ALG13: variants seen among roughly 807,000 people sequenced by gnomAD.
ALG13 encodes ALG13 UDP-N-acetylglucosaminyltransferase subunit.
Under a neutral mutation model 87.8 loss-of-function variants are expected in ALG13, and 11 were observed. The ratio of observed to expected loss-of-function variants is 0.13; its 90% CI spans 0.08 to 0.21. ALG13 has a LOEUF of 0.21. ALG13 is among the 10% of genes least tolerant of loss of function. The pLI, the probability that ALG13 is intolerant of heterozygous loss-of-function variation, is 1.00. For missense variants in ALG13, 756 were observed against 866.1 expected (o/e 0.87, Z 1.60); for synonymous variants, 320 against 306.3 (o/e 1.04, Z -0.47).
At chrX:111,698,398 A>G (rs1018894533) in intron 3 of ALG13, among the ~76,000 whole-genome samples, 2 of 111,335 alleles carry the variant, frequency 1.8e-5, no homozygotes, top group Non-Finnish European at 3.8e-5. Context: ...TCTTATTTTG[A>G]AGTACACAAT....
chrX:111,738,525 A>G (rs1943446114), intron 23 of ALG13, among the ~76,000 whole-genome samples: 1 of 111,891 alleles, frequency 8.9e-6, no homozygotes, highest in Admixed American at 9.5e-5. Context: ...AAGAGAAATA[A>G]GAGTGCTTTA....
intron 3 of ALG13, among the ~76,000 whole-genome samples, chrX:111,693,988 GATTA>G (rs1487414759): frequency 9.1e-6 from 1 of 110,031 alleles, no homozygotes; most frequent in Non-Finnish European, 1.9e-5. Flanking sequence ...AAACCCTTTT[GATTA>G]ATTACATTTA....
chrX:111,726,963 C>A lies in ALG13; in HGVS notation c.1884C>A (p.His628Gln), dbSNP rs748449833. Reference protein sequence around the residue: ...SMHYGHDPPMHYSQTAGNVMS... With the variant: ...SMHYGHDPPMQYSQTAGNVMS... ...ATTATGGGCACGATCCTCCAATGCA[C>A]TACTCACAGACAGCTGGCAATGTTA... Residue 628 changes from histidine (H) to glutamine (Q), a missense_variant, in exon 16 of 27, where the codon CAC becomes CAA. Transcript: ENST00000394780. 1 of 1,209,779 alleles carries A rather than the reference C, an allele frequency of 8.3e-7. No individual in the cohort carries two copies. Among genetic ancestry groups the A allele is most frequent in the South Asian group, 1.8e-5 (1 of 56,781 alleles).
intron 2 of ALG13, among the ~76,000 whole-genome samples, chrX:111,683,961 G>C (rs1401754355): frequency 9.0e-6 from 1 of 111,359 alleles, no homozygotes; most frequent in African/African-American, 3.3e-5. Flanking sequence ...GTCAAACCTG[G>C]ATCTTATTTG....
intron 1 of ALG13, 120 bp from the exon 2 acceptor site, chrX:111,682,012 G>T: frequency 1.1e-6 from 1 of 892,021 alleles, no homozygotes; most frequent in Non-Finnish European, 1.5e-6. Context: ...ATCGGCCACA[G>T]ATAGGCTTTT....
chrX:111,690,236 A>G (rs778874509), intron 3 of ALG13: 529 of 752,103 alleles, frequency 7.0e-4, no homozygotes, highest in Non-Finnish European at 8.0e-4. Flanking sequence ...CAGGTTCTTG[A>G]TATTAATGAG....
At chrX:111,756,448 T>G (rs935513080) in intron 25 of ALG13, among the ~76,000 whole-genome samples, 1 of 111,845 alleles carries the variant, frequency 8.9e-6, no homozygotes, top group Non-Finnish European at 1.9e-5. Flanking sequence ...AAAGCACTCA[T>G]GTGTTCATAG....
chrX:111,682,036 C>T, intron 1 of ALG13, 96 bp from the exon 2 acceptor site: 45 of 929,370 alleles, frequency 4.8e-5, no homozygotes, highest in Non-Finnish European at 6.3e-5. Flanking sequence ...CGGCCGTGCT[C>T]CGATGTTAAC....
intron 23 of ALG13, 105 bp from the exon 24 acceptor site, chrX:111,744,563 T>A: frequency 1.1e-6 from 1 of 903,222 alleles, no homozygotes. Context: ...ACCTTAAGAA[T>A]TAAGAGTTCT....
chrX:111,728,157 G>T (rs370002311), intron 18 of ALG13, 28 bp from the exon 19 acceptor site: 1 of 1,205,823 alleles, frequency 8.3e-7, no homozygotes, highest in African/African-American at 1.8e-5. Flanking sequence ...AGTGAGAACT[G>T]CAGTGTGTGT....
At chrX:111,681,638 G>C (rs1569509199) in intron 1 of ALG13, 1 of 916,601 alleles carries the variant, frequency 1.1e-6, no homozygotes, top group East Asian at 6.3e-5. Context: ...CCGAGCTCGG[G>C]TTTTCCACCG....
At chrX:111,710,353 G>A (rs893966781) in intron 5 of ALG13, among the ~76,000 whole-genome samples, 3 of 111,243 alleles carry the variant, frequency 2.7e-5, no homozygotes, top group Admixed American at 9.5e-5. Flanking sequence ...CATTTTTAAC[G>A]AACTGAAGTA....
intron 15 of ALG13, 121 bp downstream of exon 15, chrX:111,725,182 T>C: frequency 1.2e-6 from 1 of 851,375 alleles, no homozygotes. Context: ...GTTTCTCAAC[T>C]TTAGCATTAC....
At chrX:111,743,204 T>G (rs971450462) in intron 23 of ALG13, among the ~76,000 whole-genome samples, 1 of 111,718 alleles carries the variant, frequency 9.0e-6, no homozygotes, top group Non-Finnish European at 1.9e-5. Context: ...CATTTGCTTT[T>G]TTTTAAAAAA....
chrX:111,685,178 C>G, intron 3 of ALG13, 75 bp downstream of exon 3: 1 of 1,052,873 alleles, frequency 9.5e-7, no homozygotes, highest in Admixed American at 2.8e-5. Flanking sequence ...ACCTACCTAA[C>G]CCATCTGTCT....
intron 25 of ALG13, among the ~76,000 whole-genome samples, chrX:111,756,552 G>T (rs905566189): frequency 8.9e-6 from 1 of 111,808 alleles, no homozygotes; most frequent in South Asian, 3.8e-4. Context: ...GTGTCTCCGA[G>T]TTGAGGTGAG....
intron 3 of ALG13, among the ~76,000 whole-genome samples, chrX:111,690,955 G>A (rs1366712281): frequency 9.0e-6 from 1 of 111,388 alleles, no homozygotes; most frequent in African/African-American, 3.3e-5. Flanking sequence ...AATTTGTGGA[G>A]ATGACCAAAA....
chrX:111,724,515 G>A (rs750830714), intron 14 of ALG13, among the ~76,000 whole-genome samples: 5 of 112,044 alleles, frequency 4.5e-5, no homozygotes, highest in East Asian at 2.8e-4. Flanking sequence ...AATGGGATCC[G>A]GTTCAACAGA....
At position 111,708,228 on chromosome X, in the gene ALG13, C is replaced by G; in HGVS notation, c.585C>G (p.Leu195=). The change falls in exon 4 of 27, where the codon CTC becomes CTG. Residue 195 remains leucine (L), a synonymous_variant. Coordinates refer to ENST00000394780, the MANE Select transcript of ALG13 (RefSeq NM_001099922.3). ...CCTCTTGCCACGCTTTTTTTCCTCT[C>G]CCTCTTACCCCCACCCTGTACAAAA... ...LFPSCHAFFP[L]PLTPTLYKMH... is the part of the protein sequence containing the mutation. 1 of 1,211,393 alleles carries G rather than the reference C, an allele frequency of 8.3e-7. No homozygotes were observed. The highest frequency in any genetic ancestry group is 1.7e-5 in the African/African-American group (1 of 57,704).
Sources: gnomAD v4.1 joint callset for allele counts (sites outside exome capture counted in the v4.1 genomes callset) on GRCh38, gnomAD v4.1.1 for gene constraint, MANE v1.5 for transcripts, NCBI Gene and HGNC (gene_info 2026-07-23, HGNC 2026-07-21) for gene names.